Variants in TMEM267 observed in about 807,000 individuals in gnomAD.
TMEM267 encodes transmembrane protein C5orf28.
TMEM267 carries 20 observed loss-of-function variants against 19.3 expected under a neutral mutation model. The observed-to-expected ratio is 1.04, with a 90% CI of 0.73 to 1.51. The LOEUF (loss-of-function observed/expected upper bound fraction) is 1.51, where lower values mean the gene tolerates loss of function less well. Ranked by LOEUF, TMEM267 falls within the 40% of genes most tolerant of loss-of-function variation. TMEM267 has a pLI of 0.00. For missense variants in TMEM267, 242 were observed against 261.9 expected (o/e 0.92, Z 0.52); for synonymous variants, 88 against 90.3 (o/e 0.97, Z 0.15).
intron 1 of TMEM267, among the ~76,000 whole-genome samples, chr5:43,482,865 T>A (rs1744872831): frequency 6.6e-6 from 1 of 152,236 alleles, no homozygotes; most frequent in Non-Finnish European, 1.5e-5. Flanking sequence ...TACGCTATCA[T>A]GTATTGTTTG....
intron 1 of TMEM267, 46 bp from the exon 2 acceptor site, chr5:43,454,089 CCATAT>C (rs1387242043): frequency 7.8e-7 from 1 of 1,288,796 alleles, no homozygotes; most frequent in African/African-American, 1.5e-5. Flanking sequence ...TTATGGACTA[CCATAT>C]AATATTTAAA....
chr5:43,476,508 C>CTTTTT lies in TMEM267; in HGVS notation c.-75+7309_-75+7313dup, dbSNP rs67848213. Reference sequence around the variant, plus strand: ...ATCCTAACTGATACAAAAGCCAGACCTTTTTTTTTTTTTTTTTTTTTTTTT... The same window carrying CTTTTT: ...ATCCTAACTGATACAAAAGCCAGACCTTTTTTTTTTTTTTTTTTTTTTTTTTTTTT... On this transcript the variant is annotated intron_variant, in intron 1 of 2. Coordinates refer to ENST00000397080, the MANE Select transcript of TMEM267 (RefSeq NM_022483.5). Among the ~76,000 whole-genome samples the CTTTTT allele has an allele frequency of 5.0e-3, 274 of 54,838 alleles. 13 individuals carry two copies. Among genetic ancestry groups the CTTTTT allele is most frequent in the Non-Finnish European group, 5.7e-3 (180 of 31,642 alleles). 36.0% of individuals were successfully genotyped at this position (54,838 alleles called of 152,430 possible). A position where few individuals can be genotyped will look rare whatever the true frequency, so the allele number is the denominator to read the frequency against.
intron 1 of TMEM267, among the ~76,000 whole-genome samples, chr5:43,463,449 A>C (rs1253972801): frequency 1.3e-5 from 2 of 152,208 alleles, no homozygotes; most frequent in African/African-American, 4.8e-5. Flanking sequence ...TGAGGCCAGC[A>C]TCATCCTGAT....
intron 1 of TMEM267, among the ~76,000 whole-genome samples, chr5:43,462,920 G>C (rs1020671561): frequency 3.3e-5 from 5 of 151,976 alleles, no homozygotes; most frequent in Non-Finnish European, 5.9e-5. Context: ...CTAGCAGAAG[G>C]CAAGAAATAA....
chr5:43,467,389 G>A (rs1043773840), intron 1 of TMEM267, among the ~76,000 whole-genome samples: 2 of 151,964 alleles, frequency 1.3e-5, no homozygotes, highest in African/African-American at 4.8e-5. Context: ...TGAAGGGATG[G>A]GAAAAGATAT....
At chr5:43,481,168 G>A (rs755870447) in intron 1 of TMEM267, among the ~76,000 whole-genome samples, 7 of 144,008 alleles carry the variant, frequency 4.9e-5, no homozygotes, top group Non-Finnish European at 9.0e-5. Flanking sequence ...GTAGTGGCAC[G>A]ATCATAGCTC....
intron 2 of TMEM267, among the ~76,000 whole-genome samples, chr5:43,449,660 A>G (rs747152590): frequency 6.6e-6 from 1 of 152,208 alleles, no homozygotes; most frequent in Non-Finnish European, 1.5e-5. Flanking sequence ...TCTCCCCCCA[A>G]CAAAAGCACT....
intron 2 of TMEM267, among the ~76,000 whole-genome samples, chr5:43,448,559 C>T (rs982227336): frequency 6.6e-5 from 10 of 152,098 alleles, no homozygotes. Context: ...GGCTGATCAC[C>T]TGAGGTCAGG....
intron 1 of TMEM267, among the ~76,000 whole-genome samples, chr5:43,464,320 G>T (rs1285939178): frequency 3.3e-5 from 5 of 151,910 alleles, no homozygotes; most frequent in Non-Finnish European, 5.9e-5. Flanking sequence ...ACAAACAAAC[G>T]GAAGAACATT....
At chr5:43,481,142 T>C (rs1007309938) in intron 1 of TMEM267, among the ~76,000 whole-genome samples, 8 of 147,250 alleles carry the variant, frequency 5.4e-5, no homozygotes, top group African/African-American at 2.0e-4. Flanking sequence ...GGTATCTCTG[T>C]TGCCCAAGCT....
chr5:43,453,692 T>C lies in TMEM267; in HGVS notation c.278A>G (p.Asp93Gly). 1 of 1,613,992 alleles carries C rather than the reference T, an allele frequency of 6.2e-7. No homozygotes were observed. The highest frequency in any genetic ancestry group is 8.5e-7 in the Non-Finnish European group (1 of 1,179,962). Reference sequence around the variant, plus strand: ...CATGGATCCAGCTAGAAAAAAGTGGTCTACATCAATAACAGAGGCTAAAAA... The same window carrying C: ...CATGGATCCAGCTAGAAAAAAGTGGCCTACATCAATAACAGAGGCTAAAAA... ...AGFLASVIDV[D>G]HFFLAGSMSL... Residue 93 changes from aspartate (D) to glycine (G), a missense_variant, in exon 2 of 3, where the codon GAC becomes GGC. Coordinates refer to ENST00000397080, the MANE Select transcript of TMEM267 (RefSeq NM_022483.5).
At chr5:43,480,386 T>A (rs1744684083) in intron 1 of TMEM267, among the ~76,000 whole-genome samples, 1 of 152,130 alleles carries the variant, frequency 6.6e-6, no homozygotes, top group Non-Finnish European at 1.5e-5. Context: ...TGGTGCTAGG[T>A]CACTGTAGCC....
At chr5:43,455,444 CAAAACAGTGT>C (rs1246386106) in intron 1 of TMEM267, among the ~76,000 whole-genome samples, 1 of 151,538 alleles carries the variant, frequency 6.6e-6, no homozygotes, top group Non-Finnish European at 1.5e-5. Context: ...CTACAGTAAT[CAAAACAGTGT>C]AGTATTGGTA....
intron 1 of TMEM267, among the ~76,000 whole-genome samples, chr5:43,468,585 C>A (rs926105084): frequency 3.5e-4 from 54 of 152,300 alleles, no homozygotes; most frequent in African/African-American, 1.2e-3. Flanking sequence ...TGTGCCCTGA[C>A]CACCTTGGGC....
At chr5:43,483,352 A>C (rs903418242) in intron 1 of TMEM267, among the ~76,000 whole-genome samples, 10 of 152,198 alleles carry the variant, frequency 6.6e-5, no homozygotes, top group African/African-American at 2.4e-4. Context: ...ATGTCATTTA[A>C]AAAAATGGGC....
At chr5:43,460,517 C>T (rs1360381515) in intron 1 of TMEM267, among the ~76,000 whole-genome samples, 1 of 151,922 alleles carries the variant, frequency 6.6e-6, no homozygotes, top group East Asian at 1.9e-4. Context: ...CTGGTTTTAA[C>T]TTCACACCAC....
chr5:43,472,129 A>C (rs912153112), intron 1 of TMEM267, among the ~76,000 whole-genome samples: 1 of 152,242 alleles, frequency 6.6e-6, no homozygotes, highest in African/African-American at 2.4e-5. Context: ...AAATGGGCAA[A>C]ATATTTGAAT....
At chr5:43,478,586 T>G (rs528426769) in intron 1 of TMEM267, among the ~76,000 whole-genome samples, 5 of 152,276 alleles carry the variant, frequency 3.3e-5, no homozygotes, top group African/African-American at 1.2e-4. Context: ...AGTTTCTGCA[T>G]GGCAAAGTTA....
intron 2 of TMEM267, among the ~76,000 whole-genome samples, chr5:43,448,617 A>T (rs1742392886): frequency 6.6e-6 from 1 of 152,132 alleles, no homozygotes; most frequent in Non-Finnish European, 1.5e-5. Context: ...TTTCTACTAA[A>T]AATACAAAAT....
Sources: allele counts gnomAD v4.1 joint callset (sites outside exome capture counted in the v4.1 genomes callset), GRCh38; gene constraint gnomAD v4.1.1; transcripts MANE v1.5; gene names NCBI Gene and HGNC (gene_info 2026-07-23, HGNC 2026-07-21).